The following EMSY variants were observed in gnomAD, a reference collection of about 807,000 sequenced individuals.
The protein encoded by EMSY is BRCA2-interacting transcriptional repressor EMSY.
In EMSY, 26 loss-of-function variants were observed where a neutral mutation model predicts 134.6. The observed-to-expected ratio is 0.19, with a 90% CI of 0.14 to 0.27. The LOEUF (loss-of-function observed/expected upper bound fraction) is 0.27, where lower values mean the gene tolerates loss of function less well. EMSY is among the 10% of genes least tolerant of loss of function. The probability of loss-of-function intolerance (pLI) is 1.00; values close to 1 mark genes in which losing one functional copy is unlikely to be tolerated. For missense variants in EMSY, 1,305 were observed against 1,611.4 expected (o/e 0.81, Z 3.26); for synonymous variants, 579 against 577.8 (o/e 1.00, Z -0.03).
intron 9 of EMSY, among the ~76,000 whole-genome samples, chr11:76,511,256 A>G (rs1040552259): frequency 1.3e-5 from 2 of 152,158 alleles, no homozygotes; most frequent in African/African-American, 4.8e-5. Flanking sequence ...TGGGGTCAAT[A>G]TTGATAAGTA....
At chr11:76,456,979 G>C (rs1399957595) in intron 4 of EMSY, among the ~76,000 whole-genome samples, 1 of 152,118 alleles carries the variant, frequency 6.6e-6, no homozygotes, top group African/African-American at 2.4e-5. Context: ...ACATTTATTA[G>C]TTGCGTGACC....
At chr11:76,521,642 T>A (rs1162661180) in intron 11 of EMSY, among the ~76,000 whole-genome samples, 1 of 151,888 alleles carries the variant, frequency 6.6e-6, no homozygotes, top group Admixed American at 6.6e-5. Flanking sequence ...CACATACCTG[T>A]AGTCCTAGGT....
intron 8 of EMSY, among the ~76,000 whole-genome samples, chr11:76,480,755 G>A (rs1181572088): frequency 6.6e-6 from 1 of 152,200 alleles, no homozygotes; most frequent in Non-Finnish European, 1.5e-5. Flanking sequence ...AGTGGGTGTA[G>A]CCCATGGAGG....
intron 8 of EMSY, among the ~76,000 whole-genome samples, chr11:76,487,040 G>A (rs1253259227): frequency 6.6e-6 from 1 of 152,220 alleles, no homozygotes; most frequent in Non-Finnish European, 1.5e-5. Flanking sequence ...CACTTTGGGA[G>A]GCTGAGGCAG....
At position 76,537,981 on chromosome 11, in the gene EMSY, G is replaced by A. The variant is rs780099208; in HGVS notation, c.2515+31G>A. ...TGTCCTCTTAAAATGTAGTATTAAG[G>A]TAGGAGAACTACCTTCCTGGATTTC... On this transcript the variant is annotated intron_variant, in intron 16 of 20. Coordinates refer to ENST00000334736, the Ensembl canonical transcript of EMSY. The A allele has an allele frequency of 1.4e-5, 22 of 1,546,168 alleles. No individual in the cohort carries two copies. In the South Asian group the frequency reaches 2.3e-4, roughly 16 times the overall value.
intron 11 of EMSY, among the ~76,000 whole-genome samples, chr11:76,518,703 A>ATATATATAT (rs57143914): frequency 1.5e-3 from 200 of 130,186 alleles, no homozygotes; most frequent in Admixed American, 2.9e-3. Context: ...ATATATATAT[A>ATATATATAT]TTTTTTTTTT....
At chr11:76,460,738 G>A (rs1056229604) in intron 6 of EMSY, 1 of 152,044 alleles carries the variant, frequency 6.6e-6, no homozygotes, top group Non-Finnish European at 1.5e-5. Context: ...CTAGCACTTT[G>A]GGAGGCCGAG....
At chr11:76,451,083 C>T (rs989928921) in intron 2 of EMSY, among the ~76,000 whole-genome samples, 2 of 152,170 alleles carry the variant, frequency 1.3e-5, no homozygotes, top group African/African-American at 4.8e-5. Context: ...AGGCATGAGC[C>T]ACTGCACCCG....
intron 8 of EMSY, among the ~76,000 whole-genome samples, chr11:76,483,115 A>G (rs1376049028): frequency 6.6e-6 from 1 of 152,250 alleles, no homozygotes; most frequent in East Asian, 1.9e-4. Context: ...CTTAAAGAAA[A>G]GAATTTTCAA....
chr11:76,467,084 T>C (rs1437147581), intron 7 of EMSY, among the ~76,000 whole-genome samples: 2 of 152,254 alleles, frequency 1.3e-5, no homozygotes, highest in African/African-American at 2.4e-5. Context: ...AAATTAACTA[T>C]TTTTGATGAC....
chr11:76,493,932 C>A (rs1949525044), intron 8 of EMSY, among the ~76,000 whole-genome samples: 1 of 152,162 alleles, frequency 6.6e-6, no homozygotes, highest in South Asian at 2.1e-4. Flanking sequence ...TGGGGGAGCC[C>A]AGACCTAGGG....
exon 21 of EMSY, chr11:76,550,832 A>C (rs528109936): frequency 6.6e-6 from 1 of 152,444 alleles, no homozygotes; most frequent in South Asian, 2.1e-4. Context: ...AAACATTTCA[A>C]AGCAGGCCGT....
chr11:76,507,865 C>CTTTTTTTTTTTTTTTTTT (rs55756987), intron 9 of EMSY, among the ~76,000 whole-genome samples: 8 of 118,622 alleles, frequency 6.7e-5, no homozygotes, highest in African/African-American at 1.2e-4. Context: ...TTTTCTTTTT[C>CTTTTTTTTTTTTTTTTTT]TTTTTTTTTT....
At chr11:76,518,684 C>CATATATATATATATATATATATAT (rs796392038) in intron 11 of EMSY, among the ~76,000 whole-genome samples, 7 of 121,622 alleles carry the variant, frequency 5.8e-5, no homozygotes, top group African/African-American at 1.2e-4. Context: ...TGTGTGCGCG[C>CATATATATATATATATATATATAT]ATATATATAT....
At chr11:76,528,121 C>T in intron 13 of EMSY, 147 bp from the exon 15 acceptor site, 1 of 684,186 alleles carries the variant, frequency 1.5e-6, no homozygotes, top group Non-Finnish European at 2.5e-6. Context: ...GATTGAATTA[C>T]CCTTTGATGA....
chr11:76,521,949 A>C (rs531200958), intron 11 of EMSY, among the ~76,000 whole-genome samples: 1 of 152,076 alleles, frequency 6.6e-6, no homozygotes, highest in Non-Finnish European at 1.5e-5. Context: ...ACTTGAGCTC[A>C]GAAGGTCAAG....
chr11:76,545,809 A>G lies in EMSY; in HGVS notation c.3286A>G (p.Ile1096Val), dbSNP rs562233080. 529 of 1,605,830 alleles carry G rather than the reference A, an allele frequency of 3.3e-4. 6 individuals are homozygous for G. In the South Asian group the frequency reaches 5.6e-3, roughly 17 times the overall value. ...AATTTATTTTCAGGTGGAGCAGCCA[A>G]TTATAACCCAAGGATCCTCTGTTAC... Residue 1096 changes from isoleucine (I) to valine (V), a missense_variant, in exon 20 of 21, where the codon ATT becomes GTT. Around this residue, in one of 7 missense-constraint regions of EMSY, gnomAD observed 664 missense variants for 763.9 expected, o/e 0.87. Coordinates refer to ENST00000334736, the Ensembl canonical transcript of EMSY.
rs61227279 is a variant in EMSY at position 76,530,155 on chromosome 11, G to GTTT, written c.2194+1707_2194+1709dup. Reference sequence around the variant, plus strand: ...CCATTTCATTAGTTGAATCTTTAGGGTTTTTTTTTTTTTTTTTTTTGGAGA... The same window carrying GTTT: ...CCATTTCATTAGTTGAATCTTTAGGGTTTTTTTTTTTTTTTTTTTTTTTGGAGA... On this transcript the variant is annotated intron_variant, in intron 14 of 20. Transcript: ENST00000334736. Among the ~76,000 whole-genome samples the GTTT allele has an allele frequency of 3.2e-3, 368 of 114,294 alleles. 7 individuals are homozygous for GTTT. The highest frequency in any genetic ancestry group is 9.8e-3 in the African/African-American group (282 of 28,704). The allele number at this position is 114,294 out of a possible 152,430, so 75.0% of individuals were successfully genotyped here. A position where few individuals can be genotyped will look rare whatever the true frequency, so the allele number is the denominator to read the frequency against.
At chr11:76,461,987 A>G (rs952858721) in intron 6 of EMSY, among the ~76,000 whole-genome samples, 1 of 152,038 alleles carries the variant, frequency 6.6e-6, no homozygotes, top group African/African-American at 2.4e-5. Context: ...CTGTAATCCC[A>G]GCACTTTGGG....
Sources: allele counts gnomAD v4.1 joint callset (sites outside exome capture counted in the v4.1 genomes callset), GRCh38; gene constraint gnomAD v4.1.1; regional missense constraint gnomAD v4.1.1; transcripts MANE v1.5; gene names NCBI Gene and HGNC (gene_info 2026-07-23, HGNC 2026-07-21).